COL4A4: variants seen among roughly 807,000 people sequenced by gnomAD.
The protein encoded by COL4A4 is collagen alpha-4(IV) chain.
In COL4A4, 105 loss-of-function variants were observed where a neutral mutation model predicts 192.9. The observed-to-expected ratio is 0.54, with a 90% CI of 0.46 to 0.64. The LOEUF (loss-of-function observed/expected upper bound fraction) is 0.64. Among genes scored for constraint, COL4A4 ranks in the 30% least tolerant of loss-of-function variants. The pLI, the probability that COL4A4 is intolerant of heterozygous loss-of-function variation, is 0.00. For synonymous variants in COL4A4, 762 were observed against 769.9 expected, an observed-to-expected ratio of 0.99 and a Z score of 0.17; for missense variants, 1,967 against 2,169.3, an observed-to-expected ratio of 0.91 and a Z score of 1.85.
In COL4A4 at chr2:227,126,968, A is replaced by G. The variant is rs564422133; in HGVS notation, c.193-5820T>C. 3.3e-5 allele frequency among the ~76,000 whole-genome samples: 5 copies of G among 152,380 alleles called. No homozygotes were observed. The South Asian group carries it at 1.0e-3, about 32-fold the overall frequency. On this transcript the variant is annotated intron_variant, in intron 4 of 47. Coordinates refer to ENST00000396625, the MANE Select transcript of COL4A4 (RefSeq NM_000092.5). Reference sequence around the variant, plus strand: ...TAGCAGGCCCATAAAAGACATTTTTATAACTAGAGAATCATTAAATAATCA... The same window carrying G: ...TAGCAGGCCCATAAAAGACATTTTTGTAACTAGAGAATCATTAAATAATCA...
chr2:227,065,833 G>A (rs913166252), intron 25 of COL4A4, among the ~76,000 whole-genome samples: 7 of 152,214 alleles, frequency 4.6e-5, no homozygotes, highest in African/African-American at 1.7e-4. Flanking sequence ...CTCTTCCAAA[G>A]GAACGAAGTT....
chr2:226,976,934 A>G, the COL4A4 span, among the ~76,000 whole-genome samples: 1 of 152,170 alleles, frequency 6.6e-6, no homozygotes, highest in Non-Finnish European at 1.5e-5. Context: ...AAGAGCCATT[A>G]TCTATTTCTT....
chr2:227,109,470 C>A, intron 9 of COL4A4, 184 bp from the exon 10 acceptor site: 1 of 707,562 alleles, frequency 1.4e-6, no homozygotes, highest in East Asian at 2.7e-5. Context: ...CCAAGCAGTC[C>A]GGGCACGGTG....
intron 1 of COL4A4, among the ~76,000 whole-genome samples, chr2:227,156,695 G>A (rs2064381343): frequency 6.6e-6 from 1 of 151,956 alleles, no homozygotes; most frequent in South Asian, 2.1e-4. Context: ...AGTCAGCATA[G>A]GAAACCTATA....
At chr2:227,144,816 A>ACC (rs1378702605) in intron 2 of COL4A4, among the ~76,000 whole-genome samples, 1 of 152,060 alleles carries the variant, frequency 6.6e-6, no homozygotes, top group Non-Finnish European at 1.5e-5. Flanking sequence ...GACCGTGAGG[A>ACC]CCCTCTGAAA....
intron 25 of COL4A4, among the ~76,000 whole-genome samples, chr2:227,075,175 C>A (rs2058953442): frequency 6.6e-6 from 1 of 152,110 alleles, no homozygotes; most frequent in Non-Finnish European, 1.5e-5. Flanking sequence ...CATCCTGATA[C>A]CAAAACCTGG....
rs1961749304 is a variant in COL4A4, at chr2:227,004,833, G to A, written c.*2492C>T. On this transcript the variant is annotated 3_prime_UTR_variant, in exon 48 of 48. Coordinates refer to ENST00000396625, the MANE Select transcript of COL4A4 (RefSeq NM_000092.5). ...GAACAGTTCCCATTAGGGCAATCTA[G>A]GCACGTTCCAGTCTACAAGGTTGGT... is the stretch of plus-strand genomic sequence containing the variant. 1 of 152,280 alleles carries A rather than the reference G, an allele frequency of 6.6e-6. No individual in the cohort carries two copies. Among genetic ancestry groups the A allele is most frequent in the South Asian group, 2.1e-4 (1 of 4,824 alleles). 9.4% of individuals were successfully genotyped at this position (152,280 alleles called of 1,614,324 possible). A position where few individuals can be genotyped will look rare whatever the true frequency, so the allele number is the denominator to read the frequency against.
chr2:227,105,389 G>A (rs548551404), intron 12 of COL4A4, among the ~76,000 whole-genome samples: 66 of 151,374 alleles, frequency 4.4e-4, no homozygotes, highest in African/African-American at 1.5e-3. Context: ...ATGGGATTTC[G>A]CCATGTTGGC....
Position 227,032,063 on chromosome 2 carries a change from G to A in COL4A4, c.3707-8C>T. 6.2e-7 allele frequency: 1 copy of A among 1,613,838 alleles called. No homozygotes were observed. Among genetic ancestry groups the A allele is most frequent in the Non-Finnish European group, 8.5e-7 (1 of 1,179,748 alleles). Reference sequence around the variant, plus strand: ...CAGGTGGTCCTGAACTCCCTAAGAAGAGACATGTTCACATGTTATCCTCAT... The same window carrying A: ...CAGGTGGTCCTGAACTCCCTAAGAAAAGACATGTTCACATGTTATCCTCAT... On this transcript the variant is annotated splice_polypyrimidine_tract_variant and splice_region_variant and intron_variant, in intron 39 of 47. Transcript: ENST00000396625.
In COL4A4 at chr2:227,080,470, A is replaced by G. The variant is rs188655353; in HGVS notation, c.1776T>C (p.Ala592=). The change falls in exon 24 of 48, where the codon GCT becomes GCC. Residue 592 remains alanine (A), a synonymous_variant. Coordinates refer to ENST00000396625, the MANE Select transcript of COL4A4 (RefSeq NM_000092.5). ...QPGSHGRDGH[A]GEKGDPGPPG... is the part of the protein sequence containing the mutation. ...GAGGTCCTGGATCCCCTTTTTCTCC[A>G]GCATGTCCATCCCGACCATGTGATC... 266 of 1,614,124 alleles carry G rather than the reference A, an allele frequency of 1.6e-4. No homozygotes were observed. In the African/African-American group the frequency reaches 3.3e-3, roughly 20 times the overall value.
At chr2:227,053,547 T>C (rs1044694912) in intron 31 of COL4A4, among the ~76,000 whole-genome samples, 2 of 45,532 alleles carry the variant, frequency 4.4e-5, no homozygotes, top group Non-Finnish European at 1.1e-4. Context: ...CTTTTTCTTT[T>C]TTTTTTTTTT....
chr2:227,121,087 A>AATT lies in COL4A4; in HGVS notation c.253_254insAAT (p.Ile85delinsLysPhe). The stretch of plus-strand genomic sequence containing the variant: ...CATTCCTTTCTCTCCTGAAAGCCCA[A>AATT]TGGGTCCTGGGGCTCCCAGGGGTCC... On this transcript the variant is annotated protein_altering_variant, in exon 5 of 48. Coordinates refer to ENST00000396625, the MANE Select transcript of COL4A4 (RefSeq NM_000092.5). The AATT allele has an allele frequency of 6.2e-7, 1 of 1,613,914 alleles. No homozygotes were observed. Among genetic ancestry groups the AATT allele is most frequent in the Non-Finnish European group, 8.5e-7 (1 of 1,179,940 alleles).
chr2:227,163,329 A>G (rs1263808947), intron 1 of COL4A4, among the ~76,000 whole-genome samples: 1 of 152,214 alleles, frequency 6.6e-6, no homozygotes, highest in Non-Finnish European at 1.5e-5. Flanking sequence ...CCATTTGCAG[A>G]CATCACTACT....
At chr2:227,055,346 C>T (rs980129113) in intron 30 of COL4A4, among the ~76,000 whole-genome samples, 1 of 113,284 alleles carries the variant, frequency 8.8e-6, no homozygotes, top group Non-Finnish European at 1.9e-5. Flanking sequence ...GATCCTGTCT[C>T]CTAAAAAAAA....
intron 46 of COL4A4, among the ~76,000 whole-genome samples, chr2:227,008,653 G>A (rs1055151848): frequency 6.6e-5 from 10 of 152,206 alleles, no homozygotes; most frequent in African/African-American, 2.2e-4. Flanking sequence ...GTGGGGATCC[G>A]GGACCTCAAG....
chr2:227,072,379 A>C (rs1413625139), intron 25 of COL4A4, among the ~76,000 whole-genome samples: 1 of 152,056 alleles, frequency 6.6e-6, no homozygotes, highest in African/African-American at 2.4e-5. Flanking sequence ...AAACAAACCA[A>C]TAACAAGCAG....
intron 44 of COL4A4, among the ~76,000 whole-genome samples, chr2:227,021,607 C>T (rs1236415412): frequency 3.9e-5 from 6 of 152,020 alleles, no homozygotes; most frequent in Admixed American, 2.0e-4. Context: ...AGGCGGATCA[C>T]GAGGTCAGGA....
chr2:226,968,562 T>C, the COL4A4 span, among the ~76,000 whole-genome samples: 1 of 152,190 alleles, frequency 6.6e-6, no homozygotes, highest in Non-Finnish European at 1.5e-5. Context: ...AGCACCCTGA[T>C]TAGTGTTTAA....
At chr2:227,020,246 A>AAT in intron 44 of COL4A4, among the ~76,000 whole-genome samples, 1 of 112,604 alleles carries the variant, frequency 8.9e-6, no homozygotes, top group Non-Finnish European at 1.8e-5. Context: ...GGATATTGCA[A>AAT]ATATATACAC....
Sources: gnomAD v4.1 joint callset for allele counts (sites outside exome capture counted in the v4.1 genomes callset) on GRCh38, gnomAD v4.1.1 for gene constraint, MANE v1.5 for transcripts, NCBI Gene and HGNC (gene_info 2026-07-23, HGNC 2026-07-21) for gene names.